PCDHA7: variants seen among roughly 807,000 people sequenced by gnomAD.
PCDHA7 encodes protocadherin alpha 7.
Under a neutral mutation model 57.2 loss-of-function variants are expected in PCDHA7, and 37 were observed. That is an observed-to-expected ratio of 0.65 (90% CI 0.50 to 0.85). The LOEUF (loss-of-function observed/expected upper bound fraction) is 0.85, where lower values mean the gene tolerates loss of function less well. Ranked by LOEUF, PCDHA7 falls within the 40% of genes least tolerant of loss-of-function variation. The pLI, the probability that PCDHA7 is intolerant of heterozygous loss-of-function variation, is 0.00. For missense variants in PCDHA7, 1,188 were observed against 1,241.8 expected (o/e 0.96, Z 0.65); for synonymous variants, 553 against 558.8 (o/e 0.99, Z 0.15).
chr5:140,872,703 G>C (rs1582092486), intron 1 of PCDHA7, among the ~76,000 whole-genome samples: 1 of 152,114 alleles, frequency 6.6e-6, no homozygotes, highest in Admixed American at 6.5e-5. Context: ...TGATTCCAAA[G>C]GAAACTAGGT....
At chr5:140,968,397 A>G in intron 1 of PCDHA7, 7 of 1,613,892 alleles carry the variant, frequency 4.3e-6, no homozygotes, top group Non-Finnish European at 5.9e-6. Context: ...AAGTTTCGGG[A>G]GTTCTTTGTG....
At chr5:140,917,906 G>C (rs1334892378) in intron 1 of PCDHA7, among the ~76,000 whole-genome samples, 1 of 151,938 alleles carries the variant, frequency 6.6e-6, no homozygotes, top group East Asian at 1.9e-4. Flanking sequence ...TGTTAGGATA[G>C]TTTGTTTTTC....
At chr5:140,844,393 C>A (rs1368832554) in intron 1 of PCDHA7, among the ~76,000 whole-genome samples, 1 of 149,238 alleles carries the variant, frequency 6.7e-6, no homozygotes. Context: ...ATTATTTAGA[C>A]CATTTTACCA....
intron 1 of PCDHA7, chr5:140,877,683 C>T: frequency 6.2e-7 from 1 of 1,613,716 alleles, no homozygotes. Flanking sequence ...CGGGCAAGCC[C>T]ACGCTGGTGT....
chr5:140,896,276 G>A (rs1368035002), intron 1 of PCDHA7, among the ~76,000 whole-genome samples: 1 of 152,176 alleles, frequency 6.6e-6, no homozygotes, highest in Non-Finnish European at 1.5e-5. Context: ...GGATTTGCTG[G>A]CTTGAATGGT....
At chr5:140,967,758 A>G (rs781815948) in intron 1 of PCDHA7, 8 of 1,614,162 alleles carry the variant, frequency 5.0e-6, no homozygotes, top group Non-Finnish European at 5.9e-6. Context: ...GCCTCCTCCT[A>G]CCAGATCTAT....
intron 1 of PCDHA7, chr5:140,871,720 TA>T: frequency 1.3e-6 from 1 of 767,368 alleles, no homozygotes; most frequent in Non-Finnish European, 2.0e-6. Flanking sequence ...CTATTTCTCT[TA>T]ATATTTGGTT....
rs1554135994 is a variant in PCDHA7, at chr5:140,836,489, C to T, written c.2106C>T (p.Ile702=). The stretch of plus-strand genomic sequence containing the variant: ...TGGATGTCAACGTGTACCTGATCAT[C>T]GCCATCTGCGCGGTGTCCAGTCTGT... ...ELVDVNVYLI[I]AICAVSSLLV... The change falls in exon 1 of 4, where the codon ATC becomes ATT. Residue 702 remains isoleucine (I), a synonymous_variant. Transcript: ENST00000525929. The T allele has an allele frequency of 6.2e-7, 1 of 1,613,890 alleles. No individual in the cohort carries two copies. The highest frequency in any genetic ancestry group is 1.7e-5 in the Admixed American group (1 of 60,018).
At chr5:140,939,051 T>G (rs1359303875) in intron 1 of PCDHA7, among the ~76,000 whole-genome samples, 1 of 152,236 alleles carries the variant, frequency 6.6e-6, no homozygotes, top group East Asian at 1.9e-4. Flanking sequence ...TTAGTCCATT[T>G]GGGCTGCTAT....
intron 3 of PCDHA7, among the ~76,000 whole-genome samples, chr5:141,000,931 T>G (rs1422337935): frequency 1.3e-5 from 2 of 152,188 alleles, no homozygotes; most frequent in African/African-American, 4.8e-5. Flanking sequence ...CCTGTGTGAT[T>G]TAGGACAAAT....
At chr5:140,967,879 T>C in intron 1 of PCDHA7, 1 of 1,614,104 alleles carries the variant, frequency 6.2e-7, no homozygotes, top group Non-Finnish European at 8.5e-7. Context: ...CGGACCTGTA[T>C]AGCCCAGTGC....
intron 1 of PCDHA7, chr5:140,870,188 C>T: frequency 6.2e-7 from 1 of 1,614,142 alleles, no homozygotes; most frequent in Non-Finnish European, 8.5e-7. Flanking sequence ...CGAGAGGACG[C>T]TCAGCCCAGC....
At chr5:141,008,410 A>G (rs782459591) in intron 3 of PCDHA7, among the ~76,000 whole-genome samples, 33 of 152,184 alleles carry the variant, frequency 2.2e-4, no homozygotes, top group Non-Finnish European at 3.7e-4. Context: ...TTCCAATGTC[A>G]TGGCCACTGG....
intron 1 of PCDHA7, among the ~76,000 whole-genome samples, chr5:140,886,130 C>T (rs2060865178): frequency 6.6e-6 from 1 of 152,144 alleles, no homozygotes; most frequent in African/African-American, 2.4e-5. Flanking sequence ...TCCGTAACAA[C>T]CAGATTCTTG....
At chr5:140,857,543 G>A (rs782244721) in intron 1 of PCDHA7, 2 of 1,597,220 alleles carry the variant, frequency 1.3e-6, no homozygotes, top group Admixed American at 3.4e-5. Context: ...GCGGCGGTTG[G>A]GCGAGCGCTC....
At chr5:140,843,038 A>T in intron 1 of PCDHA7, 1 of 1,595,166 alleles carries the variant, frequency 6.3e-7, no homozygotes, top group Non-Finnish European at 8.6e-7. Flanking sequence ...GGTGGGTGGC[A>T]CTGGTGGCGC....
At chr5:140,981,766 T>C (rs1321747581) in intron 2 of PCDHA7, among the ~76,000 whole-genome samples, 7 of 152,144 alleles carry the variant, frequency 4.6e-5, no homozygotes, top group Non-Finnish European at 1.0e-4. Flanking sequence ...CATACATAAA[T>C]GAATACTGCA....
rs76033389 is a variant in PCDHA7, at chr5:140,874,549, G to A, written c.2355+37811G>A. Among the ~76,000 whole-genome samples, 707 of 152,298 alleles carry A rather than the reference G, an allele frequency of 4.6e-3. 3 individuals are homozygous for A. The highest frequency in any genetic ancestry group is 0.016 in the African/African-American group (683 of 41,566). On this transcript the variant is annotated intron_variant, in intron 1 of 3. Transcript: ENST00000525929. ...GATTAGGCTCCAAAACCCTTTAAGA[G>A]ATCTTTCGCATTTTAGTGCTCCATT...
intron 1 of PCDHA7, chr5:140,871,319 T>C (rs782385310): frequency 6.2e-7 from 1 of 1,614,040 alleles, no homozygotes; most frequent in Admixed American, 1.7e-5. Flanking sequence ...CCCACGCTGG[T>C]GTGCTCCCGC....
Sources: gnomAD v4.1 joint callset for allele counts (sites outside exome capture counted in the v4.1 genomes callset) on GRCh38, gnomAD v4.1.1 for gene constraint, MANE v1.5 for transcripts, NCBI Gene and HGNC (gene_info 2026-07-23, HGNC 2026-07-21) for gene names.